The following EML5 variants were observed in gnomAD, a reference collection of about 807,000 sequenced individuals.
The protein encoded by EML5 is EMAP like 5.
A neutral mutation model predicts 250.0 loss-of-function variants in EML5; 120 were observed. The ratio of observed to expected loss-of-function variants is 0.48; its 90% CI spans 0.41 to 0.56. The LOEUF is 0.56. Ranked by LOEUF, EML5 falls within the 20% of genes least tolerant of loss-of-function variation. The pLI is 0.00. For synonymous variants in EML5, 771 were observed against 806.5 expected (o/e 0.96, Z 0.75); for missense variants, 2,006 against 2,437.6 (o/e 0.82, Z 3.73).
rs550171371 is a variant in EML5, at chr14:88,753,333, G to GA, written c.357+1178dup. Among the ~76,000 whole-genome samples, 19 of 152,230 alleles carry GA rather than the reference G, an allele frequency of 1.2e-4. No homozygotes were observed. The East Asian group carries it at 3.3e-3, about 26-fold the overall frequency. ...AGGGAACTCTCTCATCTCACTACCA[G>GA]AAAATCACATTAACCTATGCTACTC... On this transcript the variant is annotated intron_variant, in intron 2 of 43. Transcript: ENST00000554922.
At chr14:88,736,152 C>T (rs1226155027) in intron 7 of EML5, among the ~76,000 whole-genome samples, 1 of 151,998 alleles carries the variant, frequency 6.6e-6, no homozygotes, top group Non-Finnish European at 1.5e-5. Flanking sequence ...AGGTGCCCGC[C>T]ACCATGCCCA....
At chr14:88,631,292 C>T (rs553183341) in intron 33 of EML5, among the ~76,000 whole-genome samples, 1 of 152,212 alleles carries the variant, frequency 6.6e-6, no homozygotes, top group African/African-American at 2.4e-5. Context: ...TGACACACCG[C>T]AGCCTCGAAT....
intron 1 of EML5, among the ~76,000 whole-genome samples, chr14:88,766,344 C>T (rs1011586418): frequency 6.6e-6 from 1 of 152,174 alleles, no homozygotes; most frequent in South Asian, 2.1e-4. Context: ...TTGCTGAATT[C>T]TTTTTCTCAG....
At chr14:88,664,254 G>A (rs1256132214) in intron 23 of EML5, among the ~76,000 whole-genome samples, 1 of 141,554 alleles carries the variant, frequency 7.1e-6, no homozygotes, top group Non-Finnish European at 1.5e-5. Flanking sequence ...TCCAGCCTGG[G>A]TGACAGAGTG....
chr14:88,716,076 T>C (rs532500909), intron 8 of EML5, among the ~76,000 whole-genome samples: 13 of 152,266 alleles, frequency 8.5e-5, no homozygotes, highest in African/African-American at 3.1e-4. Context: ...AAAATTCTTA[T>C]TTTCAATCAG....
rs1406273979 is a variant in EML5 at position 88,615,972 on chromosome 14, C to T, written c.5898-118G>A. Reference sequence around the variant, plus strand: ...GTGTAATATTTTTCCTCTTTAACTCCTTTTATTCTGTATTTGCATAAATAT... The same window carrying T: ...GTGTAATATTTTTCCTCTTTAACTCTTTTTATTCTGTATTTGCATAAATAT... On this transcript the variant is annotated intron_variant, in intron 43 of 43. Transcript: ENST00000554922. 4.6e-6 allele frequency: 6 copies of T among 1,306,522 alleles called. No individual in the cohort carries two copies. The East Asian group carries it at 1.2e-4, about 27-fold the overall frequency. The allele number at this position is 1,306,522 out of a possible 1,614,324, so 80.9% of individuals were successfully genotyped here. A position where few individuals can be genotyped will look rare whatever the true frequency, so the allele number is the denominator to read the frequency against.
chr14:88,706,375 C>T lies in EML5; in HGVS notation c.1709G>A (p.Arg570Lys), dbSNP rs752183803. ...IGHSAHVTNV[R>K]WSHDYQWVIS... is the part of the protein sequence containing the mutation. Reference sequence around the variant, plus strand: ...AACCCACTGATAATCATGTGACCATCTGACATTAGTTACGTGAGCTGAATG... The same window carrying T: ...AACCCACTGATAATCATGTGACCATTTGACATTAGTTACGTGAGCTGAATG... Residue 570 changes from arginine (R) to lysine (K), a missense_variant, in exon 11 of 44, where the codon AGA becomes AAA. Coordinates refer to ENST00000554922, the MANE Select transcript of EML5 (RefSeq NM_183387.3). The T allele has an allele frequency of 1.9e-6, 3 of 1,609,104 alleles. No homozygotes were observed. In the Admixed American group the frequency reaches 5.1e-5, roughly 27 times the overall value.
In EML5 at chr14:88,702,396, TCAAA is replaced by T. The variant is rs528551178; in HGVS notation, c.2238+46_2238+49del. 2.7e-4 allele frequency: 384 copies of T among 1,426,556 alleles called. 2 individuals carry two copies. The African/African-American group carries it at 4.3e-3, about 16-fold the overall frequency. 88.4% of individuals were successfully genotyped at this position (1,426,556 alleles called of 1,614,324 possible). On this transcript the variant is annotated intron_variant, in intron 14 of 43. Coordinates refer to ENST00000554922, the MANE Select transcript of EML5 (RefSeq NM_183387.3). ...AGATATGTGATTAATTTATTTAAAC[TCAAA>T]CAAAGGTGTAGCTTATCTGGCTTAT...
intron 21 of EML5, among the ~76,000 whole-genome samples, chr14:88,668,394 A>T (rs1319479707): frequency 6.6e-6 from 1 of 152,156 alleles, no homozygotes; most frequent in Non-Finnish European, 1.5e-5. Flanking sequence ...GAAGAAACAG[A>T]CACGCACGGG....
At chr14:88,622,470 G>A (rs1033626091) in intron 37 of EML5, 134 bp downstream of exon 37, 4 of 653,440 alleles carry the variant, frequency 6.1e-6, no homozygotes, top group Non-Finnish European at 9.3e-6. Flanking sequence ...AGCAAAGACA[G>A]AGTAATGTTG....
chr14:88,733,872 T>C (rs1207023942), intron 7 of EML5, among the ~76,000 whole-genome samples: 1 of 152,304 alleles, frequency 6.6e-6, no homozygotes, highest in South Asian at 2.1e-4. Context: ...TGAAAATTTT[T>C]AAAAAATAAT....
chr14:88,725,474 A>G (rs776056838), intron 8 of EML5, among the ~76,000 whole-genome samples: 4 of 152,154 alleles, frequency 2.6e-5, no homozygotes, highest in Non-Finnish European at 5.9e-5. Context: ...GAATTAGTGA[A>G]TAAGTTCTGA....
At chr14:88,717,043 A>G (rs954469624) in intron 8 of EML5, among the ~76,000 whole-genome samples, 2 of 152,242 alleles carry the variant, frequency 1.3e-5, no homozygotes, top group African/African-American at 4.8e-5. Context: ...TTCATAATAC[A>G]TCACAAAGTA....
chr14:88,703,554 C>A lies in EML5; in HGVS notation c.2052-922G>T, dbSNP rs117973898. Among the ~76,000 whole-genome samples, 1,309 of 152,254 alleles carry A rather than the reference C, an allele frequency of 8.6e-3. 10 individuals carry two copies. Among genetic ancestry groups the A allele is most frequent in the Non-Finnish European group, 0.014 (948 of 68,004 alleles). ...TCAAAGAAACCCAATTCATAAAATA[C>A]AACTGCATAGAAACTACTGCCATTT... On this transcript the variant is annotated intron_variant, in intron 13 of 43. Transcript: ENST00000554922.
In EML5 at chr14:88,730,924, T is replaced by C. The variant is rs555921145; in HGVS notation, c.1050-4246A>G. Among the ~76,000 whole-genome samples the C allele has an allele frequency of 5.3e-5, 8 of 152,306 alleles. No homozygotes were observed. In the East Asian group the frequency reaches 1.5e-3, roughly 29 times the overall value. ...ATTCATTGTATTATTCTTTAGCACGTACTTAGTGAAGAAAAAAATAAGACT... is the reference window on the plus strand; with the variant it reads ...ATTCATTGTATTATTCTTTAGCACGCACTTAGTGAAGAAAAAAATAAGACT... On this transcript the variant is annotated intron_variant, in intron 7 of 43. Coordinates refer to ENST00000554922, the MANE Select transcript of EML5 (RefSeq NM_183387.3).
intron 35 of EML5, chr14:88,625,409 T>A (rs565526180): frequency 3.6e-6 from 1 of 274,270 alleles, no homozygotes; most frequent in African/African-American, 2.2e-5. Context: ...GTTTATTTTT[T>A]ATTTTTTTGA....
In EML5 at chr14:88,707,270, TTTTATTTATTTA is replaced by T. The variant is rs36057410; in HGVS notation, c.1658-856_1658-845del. Among the ~76,000 whole-genome samples the T allele has an allele frequency of 3.2e-3, 466 of 145,574 alleles. 8 individuals are homozygous for T. Among genetic ancestry groups the T allele is most frequent in the East Asian group, 0.021 (103 of 4,848 alleles). On this transcript the variant is annotated intron_variant, in intron 10 of 43. Coordinates refer to ENST00000554922, the MANE Select transcript of EML5 (RefSeq NM_183387.3). ...AAATCTATGTGATAATAGGGATATA[TTTTATTTATTTA>T]TTTATTTATTTATTTATTTATTTAT...
At chr14:88,701,457 T>C (rs1286605740) in intron 14 of EML5, among the ~76,000 whole-genome samples, 1 of 152,212 alleles carries the variant, frequency 6.6e-6, no homozygotes, top group African/African-American at 2.4e-5. Flanking sequence ...TTTATCTTTA[T>C]ATTCCTAGCA....
chr14:88,709,821 A>G (rs1031806437), intron 10 of EML5, among the ~76,000 whole-genome samples: 5 of 152,152 alleles, frequency 3.3e-5, no homozygotes, highest in Admixed American at 3.3e-4. Context: ...ACAACACAAT[A>G]TTTTGCAGCA....
Sources: allele counts gnomAD v4.1 joint callset (sites outside exome capture counted in the v4.1 genomes callset), GRCh38; gene constraint gnomAD v4.1.1; transcripts MANE v1.5; gene names NCBI Gene and HGNC (gene_info 2026-07-23, HGNC 2026-07-21).